ANKFN1: variants seen among roughly 807,000 people sequenced by gnomAD.
ANKFN1 encodes the protein ankyrin repeat and fibronectin type-III domain-containing protein 1.
In ANKFN1, 74 loss-of-function variants were observed where a neutral mutation model predicts 108.7. The ratio of observed to expected loss-of-function variants is 0.68; its 90% CI spans 0.56 to 0.83. ANKFN1 has a LOEUF of 0.83. Among genes scored for constraint, ANKFN1 ranks in the 40% least tolerant of loss-of-function variants. The pLI is 0.00. For synonymous variants in ANKFN1, 547 were observed against 516.2 expected (o/e 1.06, Z -0.81); for missense variants, 1,505 against 1,382.3 (o/e 1.09, Z -1.41).
Position 56,515,997 on chromosome 17 carries a change from A to G in ANKFN1, c.*4728A>G, listed in dbSNP as rs1170576004. On this transcript the variant is annotated 3_prime_UTR_variant, in exon 21 of 21. Coordinates refer to ENST00000682825, the MANE Select transcript of ANKFN1 (RefSeq NM_001370326.1). ...TTTTTTTTTATTTTAGCAAAAGCCA[A>G]TGTTTAACTTAGTGGCAAAGGTTAC... 6.6e-6 allele frequency among the ~76,000 whole-genome samples: 1 copy of G among 152,146 alleles called. No individual in the cohort carries two copies. The highest frequency in any genetic ancestry group is 1.5e-5 in the Non-Finnish European group (1 of 68,016).
At chr17:56,399,570 A>G (rs1347626700) in intron 8 of ANKFN1, among the ~76,000 whole-genome samples, 2 of 151,774 alleles carry the variant, frequency 1.3e-5, no homozygotes, top group African/African-American at 4.8e-5. Context: ...ATTTTAGAGC[A>G]CCCATCACCC....
chr17:56,476,192 C>G lies in ANKFN1; in HGVS notation c.1774-1296C>G, dbSNP rs545194208. Among the ~76,000 whole-genome samples, 599 of 152,262 alleles carry G rather than the reference C, an allele frequency of 3.9e-3. 3 individuals are homozygous for G. The highest frequency in any genetic ancestry group is 6.8e-3 in the Middle Eastern group (2 of 294). ...TGAACATGAGATTTGGGTGGGGACACAAATCCAAACCATATTAATAAGTTA... is the reference window on the plus strand; with the variant it reads ...TGAACATGAGATTTGGGTGGGGACAGAAATCCAAACCATATTAATAAGTTA... On this transcript the variant is annotated intron_variant, in intron 15 of 20. Transcript: ENST00000682825.
intron 4 of ANKFN1, among the ~76,000 whole-genome samples, chr17:56,093,221 C>G (rs28645815): frequency 0.04 from 5,962 of 150,828 alleles, 435 homozygotes; most frequent in African/African-American, 0.11. Flanking sequence ...GTCATGATGG[C>G]ATGATATTAA....
chr17:56,460,181 G>A (rs2049853809), intron 14 of ANKFN1, among the ~76,000 whole-genome samples: 1 of 152,006 alleles, frequency 6.6e-6, no homozygotes, highest in South Asian at 2.1e-4. Flanking sequence ...ACACTGTAAA[G>A]CAACTATTTT....
intron 4 of ANKFN1, among the ~76,000 whole-genome samples, chr17:56,332,470 T>C (rs1052671593): frequency 6.6e-6 from 1 of 152,196 alleles, no homozygotes; most frequent in Non-Finnish European, 1.5e-5. Flanking sequence ...TTGTATATGA[T>C]GTGAAATAGG....
At chr17:56,215,364 G>A (rs1307703888) in intron 2 of ANKFN1, among the ~76,000 whole-genome samples, 1 of 152,210 alleles carries the variant, frequency 6.6e-6, no homozygotes, top group Non-Finnish European at 1.5e-5. Context: ...GATGAGAATA[G>A]CACCTACCCT....
chr17:56,069,071 C>A (rs1380755206), intron 4 of ANKFN1, among the ~76,000 whole-genome samples: 2 of 152,110 alleles, frequency 1.3e-5, no homozygotes, highest in Non-Finnish European at 2.9e-5. Flanking sequence ...CACATTAAGT[C>A]ATGAGGAATT....
chr17:56,111,811 C>G (rs910232010), intron 4 of ANKFN1, among the ~76,000 whole-genome samples: 1 of 152,156 alleles, frequency 6.6e-6, no homozygotes, highest in African/African-American at 2.4e-5. Context: ...TGGCAAAATA[C>G]TGGTGGCATA....
intron 1 of ANKFN1, among the ~76,000 whole-genome samples, chr17:56,185,245 G>C (rs1436267744): frequency 2.0e-5 from 3 of 152,118 alleles, no homozygotes; most frequent in African/African-American, 7.2e-5. Flanking sequence ...TTTCAGCATA[G>C]AGCCTGACAG....
intron 2 of ANKFN1, among the ~76,000 whole-genome samples, chr17:56,223,429 CA>C (rs1270546464): frequency 1.3e-5 from 2 of 151,844 alleles, no homozygotes; most frequent in Admixed American, 1.3e-4. Context: ...ATAAAGAAAT[CA>C]AAACACAAGG....
rs562934113 is a variant in ANKFN1, at chr17:56,300,451, T to A, written c.54-25770T>A. Among the ~76,000 whole-genome samples the A allele has an allele frequency of 1.2e-4, 19 of 152,306 alleles. No homozygotes were observed. In the South Asian group the frequency reaches 3.9e-3, roughly 32 times the overall value. On this transcript the variant is annotated intron_variant, in intron 3 of 20. Coordinates refer to ENST00000682825, the MANE Select transcript of ANKFN1 (RefSeq NM_001370326.1). ...AAGCCCATGTGTATTTTAAGGGAAA[T>A]TTAATCCACATGTTTCTGTTTCCTT... is the stretch of plus-strand genomic sequence containing the variant.
chr17:56,467,294 G>A (rs1473963533), intron 15 of ANKFN1, among the ~76,000 whole-genome samples: 3 of 152,048 alleles, frequency 2.0e-5, no homozygotes, highest in Non-Finnish European at 2.9e-5. Flanking sequence ...GGGTGTGTAT[G>A]TACAAAAACA....
intron 5 of ANKFN1, 135 bp downstream of exon 5, chr17:56,351,102 G>A (rs1471387805): frequency 3.7e-6 from 3 of 817,424 alleles, no homozygotes; most frequent in Non-Finnish European, 5.8e-6. Context: ...ATAGATTCAG[G>A]TAGGGTAGTA....
At chr17:56,482,711 A>T (rs1402210752) in intron 18 of ANKFN1, 187 bp downstream of exon 18, 2 of 555,620 alleles carry the variant, frequency 3.6e-6, no homozygotes, top group African/African-American at 3.9e-5. Flanking sequence ...GTGCCTGAGC[A>T]ATAATTATTG....
At chr17:56,280,646 A>G (rs536592704) in intron 3 of ANKFN1, among the ~76,000 whole-genome samples, 86 of 152,310 alleles carry the variant, frequency 5.6e-4, no homozygotes, top group African/African-American at 2.0e-3. Context: ...ATATATCTAT[A>G]TATATCCCAT....
intron 4 of ANKFN1, among the ~76,000 whole-genome samples, chr17:56,060,409 G>C (rs1904952461): frequency 6.6e-6 from 1 of 152,098 alleles, no homozygotes; most frequent in African/African-American, 2.4e-5. Context: ...CTTCCTGTTT[G>C]AATGCCCTTT....
At chr17:56,098,068 CAGA>C (rs1384955872) in intron 4 of ANKFN1, among the ~76,000 whole-genome samples, 1 of 151,994 alleles carries the variant, frequency 6.6e-6, no homozygotes, top group Non-Finnish European at 1.5e-5. Context: ...AAGAGAGAAG[CAGA>C]AGGAGATTGG....
At chr17:56,090,875 TG>T (rs1905401587) in intron 4 of ANKFN1, among the ~76,000 whole-genome samples, 1 of 151,286 alleles carries the variant, frequency 6.6e-6, no homozygotes, top group African/African-American at 2.4e-5. Context: ...CCCAAAGTGC[TG>T]GGATTACAGG....
At chr17:56,432,078 G>A (rs2048776039) in intron 8 of ANKFN1, among the ~76,000 whole-genome samples, 1 of 152,214 alleles carries the variant, frequency 6.6e-6, no homozygotes, top group South Asian at 2.1e-4. Flanking sequence ...AGGGAGGTGT[G>A]GTGGGGTTAG....
Sources: gnomAD v4.1 joint callset for allele counts (sites outside exome capture counted in the v4.1 genomes callset) on GRCh38, gnomAD v4.1.1 for gene constraint, MANE v1.5 for transcripts, NCBI Gene and HGNC (gene_info 2026-07-23, HGNC 2026-07-21) for gene names.